Variants in STAM observed in about 807,000 individuals in gnomAD.
The protein encoded by STAM is signal transducing adapter molecule 1.
Under a neutral mutation model 63.4 loss-of-function variants are expected in STAM, and 16 were observed. That is an observed-to-expected ratio of 0.25 (90% CI 0.17 to 0.38). The LOEUF is 0.38. Among genes scored for constraint, STAM ranks in the 10% least tolerant of loss-of-function variants. The probability of loss-of-function intolerance (pLI) is 1.00; values close to 1 mark genes in which losing one functional copy is unlikely to be tolerated. For synonymous variants in STAM, 238 were observed against 223.9 expected, an observed-to-expected ratio of 1.06 and a Z score of -0.56; for missense variants, 636 against 657.1, an observed-to-expected ratio of 0.97 and a Z score of 0.35.
At chr10:17,701,702 C>G (rs1249760123) in intron 9 of STAM, among the ~76,000 whole-genome samples, 1 of 152,224 alleles carries the variant, frequency 6.6e-6, no homozygotes, top group Non-Finnish European at 1.5e-5. Context: ...AGAACATTCT[C>G]TCCTACCATT....
At chr10:17,686,455 T>C (rs1416939039) in intron 4 of STAM, among the ~76,000 whole-genome samples, 1 of 151,022 alleles carries the variant, frequency 6.6e-6, no homozygotes, top group African/African-American at 2.4e-5. Flanking sequence ...CAGCTGACTA[T>C]AGCCTCTGCC....
intron 9 of STAM, among the ~76,000 whole-genome samples, chr10:17,703,036 A>G (rs557569451): frequency 6.6e-6 from 1 of 151,236 alleles, no homozygotes; most frequent in South Asian, 2.1e-4. Flanking sequence ...AAGAAAAGAA[A>G]AGAAAAGAAA....
chr10:17,680,481 G>A (rs1835041406), intron 2 of STAM, among the ~76,000 whole-genome samples: 1 of 150,394 alleles, frequency 6.6e-6, no homozygotes, highest in African/African-American at 2.5e-5. Flanking sequence ...GGAGTTCAGT[G>A]GCGCAATCGT....
At chr10:17,687,930 C>CA in intron 4 of STAM, 97 bp from the exon 5 acceptor site, 1 of 1,082,744 alleles carries the variant, frequency 9.2e-7, no homozygotes, top group Non-Finnish European at 1.3e-6. Flanking sequence ...ACTTGTGATT[C>CA]AAAAAACATC....
chr10:17,671,664 T>C (rs1472282508), intron 2 of STAM, among the ~76,000 whole-genome samples: 1 of 152,342 alleles, frequency 6.6e-6, no homozygotes, highest in East Asian at 1.9e-4. Context: ...CTAGTGTCCT[T>C]GTACGTTTTT....
At chr10:17,712,604 G>A (rs1836606608) in intron 13 of STAM, among the ~76,000 whole-genome samples, 1 of 152,142 alleles carries the variant, frequency 6.6e-6, no homozygotes, top group Non-Finnish European at 1.5e-5. Flanking sequence ...GCAGTATTTT[G>A]AAAATTTGGC....
At chr10:17,709,248 A>G (rs1465092599) in intron 13 of STAM, among the ~76,000 whole-genome samples, 10 of 152,182 alleles carry the variant, frequency 6.6e-5, no homozygotes, top group Non-Finnish European at 1.2e-4. Flanking sequence ...ATATTTGATA[A>G]TGTCTTTAAT....
chr10:17,705,134 C>A, intron 11 of STAM, 110 bp downstream of exon 11: 2 of 833,054 alleles, frequency 2.4e-6, no homozygotes, highest in Non-Finnish European at 3.9e-6. Flanking sequence ...GTGGAGGAAC[C>A]AACTCTCATT....
rs191592815 is a variant in STAM, at chr10:17,708,300, C to G, written c.1210-476C>G. Among the ~76,000 whole-genome samples, 38 of 152,282 alleles carry G rather than the reference C, an allele frequency of 2.5e-4. No individual in the cohort carries two copies. In the East Asian group the frequency reaches 7.3e-3, roughly 29 times the overall value. ...AAACTTAAAATATTTACGTCAGGCCCTTTACAAAAAAGTTTGCTGACCCCT... is the reference window on the plus strand; with the variant it reads ...AAACTTAAAATATTTACGTCAGGCCGTTTACAAAAAAGTTTGCTGACCCCT... On this transcript the variant is annotated intron_variant, in intron 12 of 13. Coordinates refer to ENST00000377524, the MANE Select transcript of STAM (RefSeq NM_003473.4).
chr10:17,659,115 C>CTT (rs147615362), intron 1 of STAM, among the ~76,000 whole-genome samples: 8 of 148,884 alleles, frequency 5.4e-5, no homozygotes, highest in African/African-American at 1.5e-4. Flanking sequence ...TTTTTAAAAT[C>CTT]TTTTTTTTTT....
chr10:17,687,347 C>T (rs928747086), intron 4 of STAM, among the ~76,000 whole-genome samples: 1 of 151,948 alleles, frequency 6.6e-6, no homozygotes, highest in African/African-American at 2.4e-5. Context: ...TGGTGGTGCG[C>T]GCCTGTAATC....
intron 13 of STAM, among the ~76,000 whole-genome samples, chr10:17,713,975 C>T (rs529108283): frequency 1.9e-3 from 293 of 152,278 alleles, no homozygotes; most frequent in Admixed American, 3.7e-3. Flanking sequence ...CTGCGGCCCC[C>T]TCTGCCGCAG....
At chr10:17,658,321 A>C (rs1554822433) in intron 1 of STAM, among the ~76,000 whole-genome samples, 1 of 151,272 alleles carries the variant, frequency 6.6e-6, no homozygotes, top group African/African-American at 2.4e-5. Context: ...CTATTGTTTT[A>C]GATTTGTCTT....
chr10:17,655,520 G>C (rs1337916250), intron 1 of STAM, among the ~76,000 whole-genome samples: 3 of 152,116 alleles, frequency 2.0e-5, no homozygotes, highest in Non-Finnish European at 4.4e-5. Context: ...GTGATGCTGT[G>C]ATATATAGCA....
At chr10:17,704,401 CTTT>C in intron 9 of STAM, 27 bp from the exon 10 acceptor site, 1 of 1,584,746 alleles carries the variant, frequency 6.3e-7, no homozygotes, top group Non-Finnish European at 8.6e-7. Flanking sequence ...AGGTTGGTAG[CTTT>C]TTATATTAAC....
chr10:17,666,447 T>C (rs994753792), intron 2 of STAM, among the ~76,000 whole-genome samples: 1 of 140,526 alleles, frequency 7.1e-6, no homozygotes, highest in Non-Finnish European at 1.5e-5. Context: ...CAGGCTGGAG[T>C]GCAGTGGCAC....
At chr10:17,711,623 G>A (rs546670892) in intron 13 of STAM, among the ~76,000 whole-genome samples, 12 of 152,286 alleles carry the variant, frequency 7.9e-5, no homozygotes, top group African/African-American at 1.4e-4. Flanking sequence ...GTTCTGTCAC[G>A]TCAGAGATGT....
In STAM at chr10:17,644,169, C is replaced by T; in HGVS notation, c.-171C>T. 2 of 683,700 alleles carry T rather than the reference C, an allele frequency of 2.9e-6. No individual in the cohort carries two copies. Among genetic ancestry groups the T allele is most frequent in the Non-Finnish European group, 5.1e-6 (2 of 393,916 alleles). 42.4% of individuals were successfully genotyped at this position (683,700 alleles called of 1,614,324 possible). On this transcript the variant is annotated 5_prime_UTR_variant, in exon 1 of 14. Coordinates refer to ENST00000377524, the MANE Select transcript of STAM (RefSeq NM_003473.4). ...CTCGGCTCCTTGCTGTTGCCGCCGC[C>T]GCAGCTGCTGCCGCGGTTGGTGGGG...
intron 2 of STAM, among the ~76,000 whole-genome samples, chr10:17,682,273 C>T (rs1353609577): frequency 1.3e-5 from 2 of 152,128 alleles, no homozygotes; most frequent in Non-Finnish European, 2.9e-5. Context: ...AAATGTGTTT[C>T]TAAGATGAAT....
Sources: gnomAD v4.1 joint callset for allele counts (sites outside exome capture counted in the v4.1 genomes callset) on GRCh38, gnomAD v4.1.1 for gene constraint, MANE v1.5 for transcripts, NCBI Gene and HGNC (gene_info 2026-07-23, HGNC 2026-07-21) for gene names.